Variants in AKAP6 observed in about 807,000 individuals in gnomAD.
AKAP6 encodes the protein A-kinase anchoring protein 6.
Under a neutral mutation model 188.5 loss-of-function variants are expected in AKAP6, and 58 were observed. That is an observed-to-expected ratio of 0.31 (90% CI 0.25 to 0.38). AKAP6 has a LOEUF of 0.38. Ranked by LOEUF, AKAP6 falls within the 10% of genes least tolerant of loss-of-function variation. AKAP6 has a pLI of 1.00. For missense variants in AKAP6, 2,710 were observed against 2,740.0 expected, an observed-to-expected ratio of 0.99 and a Z score of 0.24; for synonymous variants, 989 against 998.6, an observed-to-expected ratio of 0.99 and a Z score of 0.18.
At chr14:32,348,913 C>T (rs1365420086) in intron 1 of AKAP6, among the ~76,000 whole-genome samples, 1 of 152,136 alleles carries the variant, frequency 6.6e-6, no homozygotes, top group East Asian at 1.9e-4. Flanking sequence ...GTCCCAGGGT[C>T]CTTTTCACAG....
chr14:32,749,542 CA>C (rs2032044792), intron 11 of AKAP6, among the ~76,000 whole-genome samples: 1 of 152,096 alleles, frequency 6.6e-6, no homozygotes, highest in South Asian at 2.1e-4. Context: ...GACACTGGCC[CA>C]AAGAGGGAAG....
intron 7 of AKAP6, among the ~76,000 whole-genome samples, chr14:32,621,055 G>C (rs1886797451): frequency 6.6e-6 from 1 of 151,684 alleles, no homozygotes; most frequent in Non-Finnish European, 1.5e-5. Context: ...TTTGACTTTT[G>C]AGCTTATGGC....
chr14:32,746,059 A>C (rs1188172649), intron 11 of AKAP6, among the ~76,000 whole-genome samples: 1 of 152,074 alleles, frequency 6.6e-6, no homozygotes. Flanking sequence ...CTCACCTTTC[A>C]GGGAAGTGGG....
rs544722148 is a variant in AKAP6, at chr14:32,479,597, T to C, written c.324+45780T>C. Among the ~76,000 whole-genome samples the C allele has an allele frequency of 6.6e-5, 10 of 152,298 alleles. No individual in the cohort carries two copies. In the South Asian group the frequency reaches 1.0e-3, roughly 16 times the overall value. ...TTATGCTCAGAAAATCTCTACTAAATTAATTACTAAGGGGTTTTGCTATGG... is the reference window on the plus strand; with the variant it reads ...TTATGCTCAGAAAATCTCTACTAAACTAATTACTAAGGGGTTTTGCTATGG... On this transcript the variant is annotated intron_variant, in intron 2 of 13. Transcript: ENST00000280979.
rs1459936583 is a variant in AKAP6 at position 32,551,526 on chromosome 14, C to T, written c.2346+4527C>T. On this transcript the variant is annotated intron_variant, in intron 4 of 13. Transcript: ENST00000280979. Reference sequence around the variant, plus strand: ...GGTGGAGGTTCAGTGAGCTTGGGAGCGTGCCATGGCACTCCAGCCTGGGCA... The same window carrying T: ...GGTGGAGGTTCAGTGAGCTTGGGAGTGTGCCATGGCACTCCAGCCTGGGCA... Among the ~76,000 whole-genome samples, 3 of 139,080 alleles carry T rather than the reference C, an allele frequency of 2.2e-5. No homozygotes were observed. In the Admixed American group the frequency reaches 2.3e-4, roughly 11 times the overall value. 91.2% of individuals were successfully genotyped at this position (139,080 alleles called of 152,430 possible).
intron 4 of AKAP6, among the ~76,000 whole-genome samples, chr14:32,575,747 G>T (rs765809683): frequency 6.6e-6 from 1 of 152,098 alleles, no homozygotes; most frequent in Non-Finnish European, 1.5e-5. Flanking sequence ...AATAGGAAAA[G>T]CTTTTGGAAA....
intron 5 of AKAP6, among the ~76,000 whole-genome samples, chr14:32,581,024 T>G (rs1444174653): frequency 6.6e-6 from 1 of 152,206 alleles, no homozygotes; most frequent in South Asian, 2.1e-4. Context: ...CGTGTGCATG[T>G]GTCTTTATAG....
chr14:32,757,190 A>AC (rs1339950028), intron 11 of AKAP6, among the ~76,000 whole-genome samples: 1 of 152,018 alleles, frequency 6.6e-6, no homozygotes, highest in African/African-American at 2.4e-5. Flanking sequence ...TCTCTGTGCT[A>AC]CCCCCAAGTG....
intron 2 of AKAP6, among the ~76,000 whole-genome samples, chr14:32,445,577 A>G (rs1451448511): frequency 2.6e-5 from 4 of 151,990 alleles, no homozygotes; most frequent in Non-Finnish European, 5.9e-5. Context: ...GGGTTTTGCC[A>G]TGTTGGCCAG....
At chr14:32,707,252 T>C (rs189989269) in intron 9 of AKAP6, among the ~76,000 whole-genome samples, 22 of 152,282 alleles carry the variant, frequency 1.4e-4, no homozygotes, top group Admixed American at 1.2e-3. Flanking sequence ...AGATATGCTA[T>C]AGTCCCAAGA....
intron 2 of AKAP6, among the ~76,000 whole-genome samples, chr14:32,454,622 T>TCCTTCCGA (rs1361676854): frequency 1.4e-4 from 20 of 145,318 alleles, no homozygotes; most frequent in East Asian, 6.2e-4. Flanking sequence ...AACTTGACCT[T>TCCTTCCGA]CCTTCCTTCC....
intron 1 of AKAP6, among the ~76,000 whole-genome samples, chr14:32,365,937 T>C (rs1535541): frequency 0.97 from 147,109 of 152,252 alleles, 71,101 homozygotes; most frequent in Non-Finnish European, 0.98. Context: ...ACCTCTCTCC[T>C]GCTTCCTGGG....
In AKAP6 at chr14:32,428,880, A is replaced by T. The variant is rs77747222; in HGVS notation, c.-34-4580A>T. Among the ~76,000 whole-genome samples, 137 of 152,120 alleles carry T rather than the reference A, an allele frequency of 9.0e-4. 4 individuals carry two copies. The East Asian group carries it at 0.023, about 25-fold the overall frequency. On this transcript the variant is annotated intron_variant, in intron 1 of 13. Transcript: ENST00000280979. ...AGGTGGAAAAACCCTTTTATAATTT[A>T]AAAAAAAGCCTTAAAATCATTACTG...
chr14:32,644,830 G>C (rs1164097889), intron 7 of AKAP6, among the ~76,000 whole-genome samples: 1 of 152,060 alleles, frequency 6.6e-6, no homozygotes, highest in Non-Finnish European at 1.5e-5. Flanking sequence ...GAGCTCAATA[G>C]TTCTCCATAT....
intron 1 of AKAP6, among the ~76,000 whole-genome samples, chr14:32,352,068 ACC>A (rs1260053902): frequency 1.3e-4 from 18 of 139,392 alleles, no homozygotes; most frequent in African/African-American, 5.0e-4. Context: ...GTCTTGGGAG[ACC>A]CTGTGTGTGT....
chr14:32,828,788 A>G (rs2034748957), intron 13 of AKAP6, among the ~76,000 whole-genome samples: 2 of 152,118 alleles, frequency 1.3e-5, no homozygotes, highest in Non-Finnish European at 2.9e-5. Flanking sequence ...TTACTGCATT[A>G]TTTTACTATA....
intron 1 of AKAP6, among the ~76,000 whole-genome samples, chr14:32,423,953 G>A (rs1889943887): frequency 6.6e-6 from 1 of 152,130 alleles, no homozygotes; most frequent in Non-Finnish European, 1.5e-5. Flanking sequence ...AGGACAGAGT[G>A]CAGAACTCTT....
chr14:32,493,302 G>T lies in AKAP6; in HGVS notation c.325-42252G>T, dbSNP rs572700604. 2.6e-5 allele frequency among the ~76,000 whole-genome samples: 4 copies of T among 152,182 alleles called. No homozygotes were observed. The East Asian group carries it at 7.8e-4, about 30-fold the overall frequency. On this transcript the variant is annotated intron_variant, in intron 2 of 13. Coordinates refer to ENST00000280979, the MANE Select transcript of AKAP6 (RefSeq NM_004274.5). ...GTGCACTGCAGCCTTGACTTCCAGG[G>T]CTTGGGCAGTCCTCCCACCTCAGCC...
intron 11 of AKAP6, among the ~76,000 whole-genome samples, chr14:32,741,694 G>A (rs1395412658): frequency 6.6e-6 from 1 of 151,558 alleles, no homozygotes; most frequent in South Asian, 2.1e-4. Flanking sequence ...AACCATTCTT[G>A]CATCCTTCAG....
Sources: gnomAD v4.1 joint callset for allele counts (sites outside exome capture counted in the v4.1 genomes callset) on GRCh38, gnomAD v4.1.1 for gene constraint, MANE v1.5 for transcripts, NCBI Gene and HGNC (gene_info 2026-07-23, HGNC 2026-07-21) for gene names.